The following MSR1 variants were observed in gnomAD, a reference collection of about 807,000 sequenced individuals.
MSR1 encodes the protein macrophage scavenger receptor 1.
MSR1 carries 53 observed loss-of-function variants against 47.2 expected under a neutral mutation model. The observed-to-expected ratio is 1.12, with a 90% CI of 0.90 to 1.41. MSR1 has a LOEUF of 1.41. Ranked by LOEUF, MSR1 falls within the 40% of genes most tolerant of loss-of-function variation. MSR1 has a pLI of 0.00. For synonymous variants in MSR1, 239 were observed against 185.6 expected (o/e 1.29, Z -2.34); for missense variants, 786 against 546.9 (o/e 1.44, Z -4.36).
chr8:16,158,844 A>T (rs1455900997), intron 5 of MSR1, among the ~76,000 whole-genome samples: 3 of 150,462 alleles, frequency 2.0e-5, no homozygotes, highest in Non-Finnish European at 4.4e-5. Context: ...CATTTTCCAC[A>T]TCTGTTCTTC....
At chr8:16,116,245 T>C (rs897813952) in intron 9 of MSR1, among the ~76,000 whole-genome samples, 2 of 152,142 alleles carry the variant, frequency 1.3e-5, no homozygotes, top group African/African-American at 4.8e-5. Flanking sequence ...ATCTGCCAGG[T>C]CAGTATTATT....
At chr8:16,123,179 G>T (rs1046505926) in intron 8 of MSR1, among the ~76,000 whole-genome samples, 2 of 151,868 alleles carry the variant, frequency 1.3e-5, no homozygotes, top group Admixed American at 1.3e-4. Context: ...AATATGCTTG[G>T]GTATGCTGAT....
chr8:16,189,352 T>TA lies in MSR1; in HGVS notation c.-5+3245_-5+3246insT, dbSNP rs1284599171. Among the ~76,000 whole-genome samples the TA allele has an allele frequency of 2.5e-3, 275 of 111,508 alleles. 1 individual carries two copies. Among genetic ancestry groups the TA allele is most frequent in the African/African-American group, 3.1e-3 (83 of 26,856 alleles). 73.2% of individuals were successfully genotyped at this position (111,508 alleles called of 152,430 possible). A position where few individuals can be genotyped will look rare whatever the true frequency, so the allele number is the denominator to read the frequency against. Reference sequence around the variant, plus strand: ...TTTCATATATATATAAAATCTTATTTTATATATTTTTATATATATTTTATA... The same window carrying TA: ...TTTCATATATATATAAAATCTTATTTATATATATTTTTATATATATTTTATA... On this transcript the variant is annotated intron_variant, in intron 1 of 9. Coordinates refer to ENST00000262101, the MANE Select transcript of MSR1 (RefSeq NM_138715.3).
intron 9 of MSR1, among the ~76,000 whole-genome samples, chr8:16,113,485 C>G (rs1258121581): frequency 6.6e-6 from 1 of 152,076 alleles, no homozygotes; most frequent in Non-Finnish European, 1.5e-5. Flanking sequence ...CTAGTCATGA[C>G]TGAGTGACAT....
chr8:16,154,433 A>G (rs1243604037), intron 6 of MSR1, among the ~76,000 whole-genome samples: 1 of 152,032 alleles, frequency 6.6e-6, no homozygotes, highest in East Asian at 1.9e-4. Context: ...TTTCAAGATT[A>G]CAACTTAGAG....
chr8:16,150,760 G>A (rs907515333), intron 6 of MSR1, among the ~76,000 whole-genome samples: 6 of 151,798 alleles, frequency 4.0e-5, no homozygotes, highest in Non-Finnish European at 8.8e-5. Flanking sequence ...AAATAAATTG[G>A]TGTCTTGGCT....
At chr8:16,164,001 T>G in intron 5 of MSR1, 64 bp downstream of exon 5, 1 of 1,252,408 alleles carries the variant, frequency 8.0e-7, no homozygotes, top group Non-Finnish European at 1.1e-6. Flanking sequence ...ATATCAAATC[T>G]CTGCATGTAT....
At chr8:16,146,523 C>T (rs555153183) in intron 7 of MSR1, among the ~76,000 whole-genome samples, 1 of 152,110 alleles carries the variant, frequency 6.6e-6, no homozygotes, top group Non-Finnish European at 1.5e-5. Flanking sequence ...CTGGTTATCA[C>T]CCCACCCCAC....
intron 3 of MSR1, among the ~76,000 whole-genome samples, chr8:16,170,265 T>C (rs557947100): frequency 2.0e-5 from 3 of 152,046 alleles, no homozygotes; most frequent in South Asian, 4.2e-4. Context: ...GGAGAATCAC[T>C]TGAACCTGGG....
At chr8:16,156,167 T>C (rs938578690) in intron 5 of MSR1, among the ~76,000 whole-genome samples, 3 of 151,878 alleles carry the variant, frequency 2.0e-5, no homozygotes, top group Non-Finnish European at 4.4e-5. Flanking sequence ...AAAGAAACAT[T>C]ATTCCATAGA....
At chr8:16,139,389 C>A (rs1013679918) in intron 8 of MSR1, 5 of 921,438 alleles carry the variant, frequency 5.4e-6, no homozygotes, top group Non-Finnish European at 6.5e-6. Context: ...ATCCTCACAA[C>A]AACCCTGTGA....
At chr8:16,152,637 T>C (rs190181092) in intron 6 of MSR1, among the ~76,000 whole-genome samples, 16 of 152,196 alleles carry the variant, frequency 1.1e-4, no homozygotes, top group African/African-American at 2.6e-4. Context: ...ATTGATCACA[T>C]TGGGCATAAA....
chr8:16,185,777 T>A (rs570690291), intron 1 of MSR1, among the ~76,000 whole-genome samples: 1 of 149,828 alleles, frequency 6.7e-6, no homozygotes, highest in South Asian at 2.1e-4. Flanking sequence ...ATTAATAGCA[T>A]CTAAAACACA....
At chr8:16,119,196 A>C (rs1432368481) in intron 9 of MSR1, among the ~76,000 whole-genome samples, 1 of 152,080 alleles carries the variant, frequency 6.6e-6, no homozygotes, top group Non-Finnish European at 1.5e-5. Flanking sequence ...AGAACCTGAG[A>C]CTTCTGCTTA....
intron 1 of MSR1, among the ~76,000 whole-genome samples, chr8:16,184,531 T>C (rs1390329342): frequency 1.3e-5 from 2 of 152,204 alleles, no homozygotes; most frequent in Admixed American, 1.3e-4. Context: ...GAGAGGCATG[T>C]AGCCGGTAGC....
intron 1 of MSR1, among the ~76,000 whole-genome samples, chr8:16,178,412 T>C (rs1454481919): frequency 6.6e-6 from 1 of 152,172 alleles, no homozygotes; most frequent in Non-Finnish European, 1.5e-5. Flanking sequence ...GCTTCATCCA[T>C]GTCCCTACAA....
Position 16,110,269 on chromosome 8 carries a change from T to C in MSR1, c.1223-51A>G, listed in dbSNP as rs775161067. On this transcript the variant is annotated intron_variant, in intron 9 of 9. Coordinates refer to ENST00000262101, the MANE Select transcript of MSR1 (RefSeq NM_138715.3). ...TAGTAAGTTTAGAGTTTAGTGTTTC[T>C]CTTTGAGTGGGGCAAAGCCATTAAT... The C allele has an allele frequency of 3.7e-6, 6 of 1,600,680 alleles. No individual in the cohort carries two copies. The East Asian group carries it at 1.3e-4, about 36-fold the overall frequency.
intron 1 of MSR1, among the ~76,000 whole-genome samples, chr8:16,185,503 G>A (rs1801968561): frequency 6.6e-6 from 1 of 151,980 alleles, no homozygotes; most frequent in Non-Finnish European, 1.5e-5. Context: ...CTGTATAGTG[G>A]AGAATATGTG....
intron 8 of MSR1, among the ~76,000 whole-genome samples, chr8:16,127,950 C>G (rs1369804038): frequency 6.6e-6 from 1 of 152,094 alleles, no homozygotes; most frequent in Admixed American, 6.6e-5. Flanking sequence ...TGGTTATTGT[C>G]TGTTTAAACA....
Sources: allele counts gnomAD v4.1 joint callset (sites outside exome capture counted in the v4.1 genomes callset), GRCh38; gene constraint gnomAD v4.1.1; transcripts MANE v1.5; gene names NCBI Gene and HGNC (gene_info 2026-07-23, HGNC 2026-07-21).